Variants in PAK4 observed in about 807,000 individuals in gnomAD.
PAK4 encodes serine/threonine-protein kinase PAK 4.
Under a neutral mutation model 53.5 loss-of-function variants are expected in PAK4, and 49 were observed. The observed-to-expected ratio is 0.92, with a 90% confidence interval of 0.73 to 1.16. The LOEUF (loss-of-function observed/expected upper bound fraction) is 1.16, where lower values mean the gene tolerates loss of function less well. Ranked by LOEUF, PAK4 falls within the 50% of genes most tolerant of loss-of-function variation. The pLI is 0.00. For synonymous variants in PAK4, 376 were observed against 375.6 expected (o/e 1.00, Z -0.01); for missense variants, 824 against 850.7 (o/e 0.97, Z 0.39).
chr19:39,182,007 G>A (rs1368151090), downstream of PAK4: 1 of 152,218 alleles, frequency 6.6e-6, no homozygotes, highest in Non-Finnish European at 1.5e-5. Context: ...TCAGATGCTG[G>A]TGGGGCCCAG....
At chr19:39,149,675 T>C (rs144354469) in intron 1 of PAK4, among the ~76,000 whole-genome samples, 4 of 152,196 alleles carry the variant, frequency 2.6e-5, no homozygotes, top group Non-Finnish European at 5.9e-5. Flanking sequence ...GCTAACACGA[T>C]GAAACCCTGT....
chr19:39,173,557 T>C lies in PAK4; in HGVS notation c.664-19T>C, dbSNP rs1426087399. 1.9e-5 allele frequency: 28 copies of C among 1,512,388 alleles called. No individual in the cohort carries two copies. Among genetic ancestry groups the C allele is most frequent in the African/African-American group, 7.0e-5 (5 of 71,540 alleles). The allele number at this position is 1,512,388 out of a possible 1,614,324, so 93.7% of individuals were successfully genotyped here. A position where few individuals can be genotyped will look rare whatever the true frequency, so the allele number is the denominator to read the frequency against. On this transcript the variant is annotated intron_variant, in intron 3 of 8. Coordinates refer to ENST00000358301, the Ensembl canonical transcript of PAK4. This position sits in a 1 kb window ranked among gnomAD's most constrained non-coding sequence, Gnocchi z 6.9. ...CTCCCTGGCACCCATCACTGACAGC[T>C]ACCTCTCTTCTGTTTCAGGGGGAGC...
At chr19:39,138,607 G>T (rs780232034) in intron 1 of PAK4, among the ~76,000 whole-genome samples, 1 of 152,138 alleles carries the variant, frequency 6.6e-6, no homozygotes, top group Non-Finnish European at 1.5e-5. Context: ...ACAAGATGCC[G>T]TGCACCCTGG....
chr19:39,167,637 G>A (rs1188015498), intron 1 of PAK4, among the ~76,000 whole-genome samples: 1 of 152,086 alleles, frequency 6.6e-6, no homozygotes, highest in Non-Finnish European at 1.5e-5. Flanking sequence ...CTGACCACCC[G>A]CTGGCCTCTT....
intron 1 of PAK4, among the ~76,000 whole-genome samples, chr19:39,158,247 G>T (rs73046472): frequency 0.018 from 2,768 of 152,260 alleles, 37 homozygotes; most frequent in Non-Finnish European, 0.029. Flanking sequence ...GTGCGCGCAT[G>T]TGTGAGCATG....
chr19:39,170,047 G>A (rs187494362), intron 2 of PAK4, among the ~76,000 whole-genome samples: 141 of 152,168 alleles, frequency 9.3e-4, no homozygotes, highest in Non-Finnish European at 1.6e-3. Flanking sequence ...CTCATGTCCC[G>A]GGGGCCATGC....
intron 2 of PAK4, among the ~76,000 whole-genome samples, chr19:39,170,748 A>G (rs12977799): frequency 0.51 from 77,277 of 152,226 alleles, 22,019 homozygotes; most frequent in East Asian, 0.82. Context: ...TGCAGCCTCA[A>G]TGTGGTAGCC....
At chr19:39,176,117 C>G (rs959104244) in intron 6 of PAK4, among the ~76,000 whole-genome samples, 4 of 152,182 alleles carry the variant, frequency 2.6e-5, no homozygotes, top group Admixed American at 6.5e-5. Flanking sequence ...CCTCAAAAAT[C>G]GGAAAGGGAC....
At chr19:39,134,452 T>TTTTAGTAGAGAGGGGGTTTCACC (rs1568497043) in intron 1 of PAK4, among the ~76,000 whole-genome samples, 2 of 152,114 alleles carry the variant, frequency 1.3e-5, no homozygotes, top group African/African-American at 4.8e-5. Context: ...ATCCTTGAAT[T>TTTTAGTAGAGAGGGGGTTTCACC]ACAGAATGTC....
At position 39,178,228 on chromosome 19, in the gene PAK4, TAGTA is replaced by T. The variant is rs548712178; in HGVS notation, c.1621-193_1621-190del. Among the ~76,000 whole-genome samples, 57 of 152,162 alleles carry T rather than the reference TAGTA, an allele frequency of 3.7e-4. No homozygotes were observed. Among genetic ancestry groups the T allele is most frequent in the African/African-American group, 1.3e-3 (53 of 41,512 alleles). On this transcript the variant is annotated intron_variant, in intron 8 of 8. Transcript: ENST00000358301. This position sits in a 1 kb window ranked among gnomAD's most constrained non-coding sequence, Gnocchi z 4.4. Reference sequence around the variant, plus strand: ...GTTTGTCACTTCCTCTGGGGCCACATAGTAAGCGCCATCACAGGTGCCATCACTG... The same window carrying T: ...GTTTGTCACTTCCTCTGGGGCCACATAGCGCCATCACAGGTGCCATCACTG...
chr19:39,169,581 G>A, exon 2 of PAK4: 1 of 1,608,032 alleles, frequency 6.2e-7, no homozygotes, highest in East Asian at 2.2e-5. Context: ...GAAGCGGGTG[G>A]AGATCTCCGC....
chr19:39,142,268 C>T (rs1049717352), intron 1 of PAK4, among the ~76,000 whole-genome samples: 7 of 152,192 alleles, frequency 4.6e-5, no homozygotes, highest in Non-Finnish European at 7.3e-5. Context: ...CACGTGTTCT[C>T]TGTCTCTGTG....
rs184262194 is a variant in PAK4, at chr19:39,178,219, G to A, written c.1621-205G>A. On this transcript the variant is annotated intron_variant, in intron 8 of 8. Coordinates refer to ENST00000358301, the Ensembl canonical transcript of PAK4. This position sits in a 1 kb window ranked among gnomAD's most constrained non-coding sequence, Gnocchi z 4.4. The stretch of plus-strand genomic sequence containing the variant: ...GCCCCCAGGGTTTGTCACTTCCTCT[G>A]GGGCCACATAGTAAGCGCCATCACA... 3.3e-5 allele frequency among the ~76,000 whole-genome samples: 5 copies of A among 152,194 alleles called. No homozygotes were observed. The East Asian group carries it at 9.7e-4, about 29-fold the overall frequency.
chr19:39,157,257 G>T (rs1027889811), intron 1 of PAK4, among the ~76,000 whole-genome samples: 3 of 151,940 alleles, frequency 2.0e-5, no homozygotes, highest in African/African-American at 7.3e-5. Flanking sequence ...TATCTTGGGG[G>T]TTATTCCTAG....
intron 1 of PAK4, among the ~76,000 whole-genome samples, chr19:39,150,849 G>T (rs2074082378): frequency 6.6e-6 from 1 of 152,222 alleles, no homozygotes; most frequent in African/African-American, 2.4e-5. Context: ...CAGGCCTGCT[G>T]CCCACCCATC....
At position 39,175,138 on chromosome 19, in the gene PAK4, C is replaced by T; in HGVS notation, c.1232+74C>T. The T allele has an allele frequency of 1.3e-6, 2 of 1,539,874 alleles. No individual in the cohort carries two copies. Among genetic ancestry groups the T allele is most frequent in the South Asian group, 1.2e-5 (1 of 80,930 alleles). On this transcript the variant is annotated intron_variant, in intron 5 of 8. Coordinates refer to ENST00000358301, the Ensembl canonical transcript of PAK4. This position sits in a 1 kb window ranked among gnomAD's most constrained non-coding sequence, Gnocchi z 4.7. ...CAGACCACTAGGGGTGGGGCCACAT[C>T]TCCAAACCAGCTGTGCTCCGGGCCC...
At chr19:39,133,508 G>A (rs888464856) in intron 1 of PAK4, among the ~76,000 whole-genome samples, 7 of 152,130 alleles carry the variant, frequency 4.6e-5, no homozygotes, top group African/African-American at 1.7e-4. Context: ...AAGAGGAACT[G>A]GGATTTGGAT....
chr19:39,144,716 G>A (rs986307809), intron 1 of PAK4, among the ~76,000 whole-genome samples: 1 of 152,232 alleles, frequency 6.6e-6, no homozygotes, highest in Non-Finnish European at 1.5e-5. Context: ...GTTACAAGGG[G>A]CCAGAGGATG....
intron 1 of PAK4, among the ~76,000 whole-genome samples, chr19:39,149,096 C>T (rs540222666): frequency 1.2e-4 from 19 of 152,292 alleles, no homozygotes; most frequent in Admixed American, 2.6e-4. Context: ...ATGGTGCTGT[C>T]GCTGTTCGGC....
Sources: allele counts gnomAD v4.1 joint callset (sites outside exome capture counted in the v4.1 genomes callset), GRCh38; gene constraint gnomAD v4.1.1; non-coding constraint Gnocchi (gnomAD v3.1); transcripts MANE v1.5; gene names NCBI Gene and HGNC (gene_info 2026-07-23, HGNC 2026-07-21).